Variants in PTPRN2 observed in about 807,000 individuals in gnomAD.
PTPRN2 encodes receptor-type tyrosine-protein phosphatase N2.
Under a neutral mutation model 118.8 loss-of-function variants are expected in PTPRN2, and 74 were observed. That is an observed-to-expected ratio of 0.62 (90% CI 0.52 to 0.76). The LOEUF is 0.76. PTPRN2 is among the 30% of genes least tolerant of loss of function. The pLI is 0.00. For synonymous variants in PTPRN2, 641 were observed against 608.0 expected, an observed-to-expected ratio of 1.05 and a Z score of -0.80; for missense variants, 1,481 against 1,394.4, an observed-to-expected ratio of 1.06 and a Z score of -0.99.
intron 14 of PTPRN2, among the ~76,000 whole-genome samples, chr7:157,638,968 G>A (rs145955132): frequency 9.8e-5 from 15 of 152,300 alleles, no homozygotes; most frequent in African/African-American, 2.2e-4. Flanking sequence ...GAAACCCGGC[G>A]GAATGTGATC....
intron 12 of PTPRN2, among the ~76,000 whole-genome samples, chr7:157,793,883 G>A (rs933747340): frequency 6.6e-6 from 1 of 152,140 alleles, no homozygotes; most frequent in African/African-American, 2.4e-5. Flanking sequence ...CCGCCTTGCA[G>A]GGACCCCAGG....
intron 2 of PTPRN2, among the ~76,000 whole-genome samples, chr7:158,429,324 A>G (rs1815988045): frequency 6.6e-6 from 1 of 152,220 alleles, no homozygotes; most frequent in Non-Finnish European, 1.5e-5. Flanking sequence ...AGGAAACCTT[A>G]GGAAGGTGGT....
intron 10 of PTPRN2, among the ~76,000 whole-genome samples, chr7:158,108,024 GC>G (rs1410903139): frequency 6.6e-6 from 1 of 150,694 alleles, no homozygotes; most frequent in Non-Finnish European, 1.5e-5. Flanking sequence ...CCACACACCT[GC>G]CCCCCAAAAA....
rs1804165438 is a variant in PTPRN2 at position 157,787,782 on chromosome 7, AT to A, written c.1789-104846del. 6.6e-6 allele frequency among the ~76,000 whole-genome samples: 1 copy of A among 151,922 alleles called. No individual in the cohort carries two copies. The highest frequency in any genetic ancestry group is 2.4e-5 in the African/African-American group (1 of 41,336). On this transcript the variant is annotated intron_variant, in intron 12 of 22. Transcript: ENST00000389418. The surrounding 1 kb of genome is among the most constrained non-coding windows in gnomAD (Gnocchi z 5.3). ...TTTCCCTCGGACTTCATTTGTGCTC[AT>A]GGCTGGGGGAGGCACCTGGGGGCCC...
intron 10 of PTPRN2, among the ~76,000 whole-genome samples, chr7:158,100,270 TG>T (rs1815125015): frequency 6.6e-6 from 1 of 151,932 alleles, no homozygotes; most frequent in Non-Finnish European, 1.5e-5. Flanking sequence ...TGTGTGTGTG[TG>T]TGTGTGTGCC....
At chr7:158,343,613 G>A (rs966048564) in intron 2 of PTPRN2, among the ~76,000 whole-genome samples, 7 of 148,170 alleles carry the variant, frequency 4.7e-5, no homozygotes, top group Admixed American at 1.3e-4. Flanking sequence ...GGTGGCACAT[G>A]GGCTGTCGCG....
chr7:158,369,136 C>A (rs1467526675), intron 2 of PTPRN2, among the ~76,000 whole-genome samples: 1 of 152,050 alleles, frequency 6.6e-6, no homozygotes, highest in East Asian at 1.9e-4. Context: ...GCTTCTTGCC[C>A]TTGAACATTG....
intron 5 of PTPRN2, among the ~76,000 whole-genome samples, chr7:158,185,764 G>A (rs778745533): frequency 1.3e-4 from 20 of 152,126 alleles, no homozygotes; most frequent in Non-Finnish European, 2.2e-4. Context: ...AGTGAGACTC[G>A]AGATCCCTTT....
chr7:157,613,590 G>T (rs373320645), intron 15 of PTPRN2, among the ~76,000 whole-genome samples: 1 of 152,216 alleles, frequency 6.6e-6, no homozygotes, highest in South Asian at 2.1e-4. Context: ...GCCCGGCTTG[G>T]GCCTCTTCCC....
intron 6 of PTPRN2, among the ~76,000 whole-genome samples, chr7:158,146,215 T>A (rs1002538767): frequency 5.3e-5 from 8 of 152,146 alleles, no homozygotes; most frequent in Non-Finnish European, 1.2e-4. Context: ...ACCTTCCAAC[T>A]TGCTCAAGAT....
chr7:157,808,552 AC>A lies in PTPRN2; in HGVS notation c.1788+90120del, dbSNP rs1190411069. On this transcript the variant is annotated intron_variant, in intron 12 of 22. Transcript: ENST00000389418. The surrounding 1 kb of genome is among the most constrained non-coding windows in gnomAD (Gnocchi z 5.0). ...TGATGATCTGTCACTGTCTCCCATCACCCCCAGATGGGACCAGCCAGTTGCA... is the reference window on the plus strand; with the variant it reads ...TGATGATCTGTCACTGTCTCCCATCACCCCAGATGGGACCAGCCAGTTGCA... 1.3e-5 allele frequency among the ~76,000 whole-genome samples: 2 copies of A among 151,844 alleles called. No individual in the cohort carries two copies. The highest frequency in any genetic ancestry group is 4.8e-5 in the African/African-American group (2 of 41,288).
At chr7:158,082,172 GGA>G (rs76080054) in intron 10 of PTPRN2, among the ~76,000 whole-genome samples, 1,826 of 152,256 alleles carry the variant, frequency 0.012, 21 homozygotes, top group East Asian at 0.058. Flanking sequence ...AATTTAGGTG[GGA>G]GAGGGCAGCT....
intron 11 of PTPRN2, among the ~76,000 whole-genome samples, chr7:158,036,572 A>G (rs1428706673): frequency 6.6e-6 from 1 of 152,202 alleles, no homozygotes; most frequent in African/African-American, 2.4e-5. Flanking sequence ...GGAAATCAGT[A>G]AAACAAAAAG....
intron 12 of PTPRN2, among the ~76,000 whole-genome samples, chr7:157,721,771 G>C (rs1465206792): frequency 2.0e-5 from 3 of 152,154 alleles, no homozygotes; most frequent in Non-Finnish European, 4.4e-5. Context: ...TTTCTGCCTA[G>C]GGCTCCTCCT....
chr7:158,463,378 C>T (rs1422379036), intron 2 of PTPRN2, among the ~76,000 whole-genome samples: 1 of 151,914 alleles, frequency 6.6e-6, no homozygotes, highest in Non-Finnish European at 1.5e-5. Context: ...AGCATCTCAT[C>T]ATCATTATCA....
At chr7:158,461,217 C>T (rs937101161) in intron 2 of PTPRN2, among the ~76,000 whole-genome samples, 43 of 152,132 alleles carry the variant, frequency 2.8e-4, no homozygotes, top group African/African-American at 9.6e-4. Context: ...GCATAAAGGC[C>T]GGGCGCGGTG....
At chr7:158,145,699 C>G (rs966956597) in intron 6 of PTPRN2, among the ~76,000 whole-genome samples, 1 of 152,222 alleles carries the variant, frequency 6.6e-6, no homozygotes, top group African/African-American at 2.4e-5. Context: ...CTTTCTCAGG[C>G]CTGATTATTC....
chr7:157,975,949 G>A (rs528430218), intron 11 of PTPRN2, among the ~76,000 whole-genome samples: 6 of 152,254 alleles, frequency 3.9e-5, no homozygotes, highest in Admixed American at 3.3e-4. Flanking sequence ...CAGTGTGGCC[G>A]AGGTGGGGTG....
At chr7:157,683,256 T>A (rs1246394414) in intron 12 of PTPRN2, among the ~76,000 whole-genome samples, 1 of 152,096 alleles carries the variant, frequency 6.6e-6, no homozygotes, top group Non-Finnish European at 1.5e-5. Context: ...AAAGTATCCA[T>A]CCCTTCTTCT....
Sources: allele counts gnomAD v4.1 joint callset (sites outside exome capture counted in the v4.1 genomes callset), GRCh38; gene constraint gnomAD v4.1.1; non-coding constraint Gnocchi (gnomAD v3.1); transcripts MANE v1.5; gene names NCBI Gene and HGNC (gene_info 2026-07-23, HGNC 2026-07-21).